The following CPNE8 variants were observed in gnomAD, a reference collection of about 807,000 sequenced individuals.
CPNE8 encodes the protein copine-8.
Under a neutral mutation model 81.5 loss-of-function variants are expected in CPNE8, and 45 were observed. The observed-to-expected ratio is 0.55, with a 90% CI of 0.44 to 0.71. The LOEUF (loss-of-function observed/expected upper bound fraction) is 0.71, where lower values mean the gene tolerates loss of function less well. CPNE8 is among the 30% of genes least tolerant of loss of function. CPNE8 has a pLI of 0.00. For synonymous variants in CPNE8, 252 were observed against 226.3 expected, an observed-to-expected ratio of 1.11 and a Z score of -1.02; for missense variants, 594 against 672.1, an observed-to-expected ratio of 0.88 and a Z score of 1.28.
intron 19 of CPNE8, among the ~76,000 whole-genome samples, chr12:38,670,287 TA>T (rs1414269618): frequency 6.6e-6 from 1 of 152,152 alleles, no homozygotes; most frequent in African/African-American, 2.4e-5. Flanking sequence ...TCTGACATCC[TA>T]AAAATATGGA....
rs1486022302 is a variant in CPNE8 at position 38,770,397 on chromosome 12, C to T, written c.472-2659G>A. On this transcript the variant is annotated intron_variant, in intron 7 of 19. Coordinates refer to ENST00000331366, the MANE Select transcript of CPNE8 (RefSeq NM_153634.3). ...CTTTACTTTGGCTCTGCTGCCACCA[C>T]CTCAGTCCAGTTCAATCTTATTTCT... Among the ~76,000 whole-genome samples the T allele has an allele frequency of 2.0e-5, 3 of 152,196 alleles. No homozygotes were observed. The East Asian group carries it at 5.8e-4, about 29-fold the overall frequency.
chr12:38,686,458 G>T (rs1435547220), intron 15 of CPNE8, among the ~76,000 whole-genome samples: 2 of 152,204 alleles, frequency 1.3e-5, no homozygotes, highest in African/African-American at 4.8e-5. Flanking sequence ...TCATTATTAG[G>T]TTTAATTCTC....
intron 10 of CPNE8, among the ~76,000 whole-genome samples, chr12:38,760,140 A>G (rs988666643): frequency 1.5e-4 from 23 of 152,214 alleles, no homozygotes; most frequent in Middle Eastern, 3.4e-3. Context: ...CTCCTTTGAT[A>G]CCCACATATT....
chr12:38,888,052 C>T (rs1050524081), intron 1 of CPNE8, among the ~76,000 whole-genome samples: 1 of 152,044 alleles, frequency 6.6e-6, no homozygotes, highest in Non-Finnish European at 1.5e-5. Context: ...GAAGCAAGAG[C>T]TGATGACTGT....
At position 38,760,837 on chromosome 12, in the gene CPNE8, A is replaced by G; in HGVS notation, c.722+10T>C. On this transcript the variant is annotated intron_variant, in intron 10 of 19. Coordinates refer to ENST00000331366, the MANE Select transcript of CPNE8 (RefSeq NM_153634.3). ...CCAGTTCAAGAGTAAGAAGATAAGA[A>G]CTGTCTTACCTTCCATCTCGGTCCC... The G allele has an allele frequency of 6.3e-7, 1 of 1,590,748 alleles. No homozygotes were observed. Among genetic ancestry groups the G allele is most frequent in the Non-Finnish European group, 8.6e-7 (1 of 1,166,942 alleles).
chr12:38,788,257 A>G (rs1163365568), intron 6 of CPNE8, among the ~76,000 whole-genome samples: 1 of 151,980 alleles, frequency 6.6e-6, no homozygotes, highest in African/African-American at 2.4e-5. Flanking sequence ...TAAGAAGATT[A>G]TTCATCATGA....
chr12:38,727,560 C>T (rs1393737085), intron 11 of CPNE8, among the ~76,000 whole-genome samples: 1 of 152,096 alleles, frequency 6.6e-6, no homozygotes, highest in African/African-American at 2.4e-5. Flanking sequence ...GGAAAAGCTC[C>T]ATTCATAGGG....
chr12:38,845,209 A>C (rs982299115), intron 4 of CPNE8, among the ~76,000 whole-genome samples: 13 of 152,146 alleles, frequency 8.5e-5, no homozygotes, highest in African/African-American at 3.1e-4. Flanking sequence ...TCTGTAAGAC[A>C]CAACCAGCAT....
At chr12:38,696,857 G>C (rs150255634) in intron 14 of CPNE8, among the ~76,000 whole-genome samples, 5 of 152,038 alleles carry the variant, frequency 3.3e-5, no homozygotes, top group Non-Finnish European at 7.4e-5. Flanking sequence ...ACCAGCCTAG[G>C]CAACATGGCA....
chr12:38,841,910 T>C (rs1269552211), intron 4 of CPNE8, among the ~76,000 whole-genome samples: 1 of 152,180 alleles, frequency 6.6e-6, no homozygotes, highest in Non-Finnish European at 1.5e-5. Context: ...CTTCTTGTTA[T>C]TATTTTTTAA....
At chr12:38,670,691 T>A (rs762604379) in intron 19 of CPNE8, 38 bp downstream of exon 19, 28 of 1,391,620 alleles carry the variant, frequency 2.0e-5, no homozygotes, top group African/African-American at 4.3e-5. Flanking sequence ...AATGATATTT[T>A]CTAGCAATAG....
intron 7 of CPNE8, among the ~76,000 whole-genome samples, chr12:38,775,491 AT>A (rs1165328560): frequency 2.0e-5 from 3 of 152,046 alleles, no homozygotes; most frequent in Non-Finnish European, 4.4e-5. Flanking sequence ...TCTAGGGAAA[AT>A]TTTTTTCCTC....
intron 1 of CPNE8, among the ~76,000 whole-genome samples, chr12:38,900,191 AACT>A (rs1320687451): frequency 3.3e-5 from 5 of 150,630 alleles, no homozygotes; most frequent in Non-Finnish European, 5.9e-5. Flanking sequence ...GGGTTTTACT[AACT>A]CAGATCAAGG....
At chr12:38,718,584 C>T (rs1940469239) in intron 13 of CPNE8, among the ~76,000 whole-genome samples, 1 of 152,124 alleles carries the variant, frequency 6.6e-6, no homozygotes, top group South Asian at 2.1e-4. Flanking sequence ...ACATCCTGCA[C>T]AGATTTGGGG....
intron 8 of CPNE8, among the ~76,000 whole-genome samples, chr12:38,764,616 C>CAAAAAA (rs1247038606): frequency 0.019 from 727 of 38,776 alleles, 1 homozygote; most frequent in Non-Finnish European, 0.025. Flanking sequence ...GACTCCGTCT[C>CAAAAAA]AAAAAAAAAA....
intron 19 of CPNE8, among the ~76,000 whole-genome samples, chr12:38,656,068 A>T (rs1938808989): frequency 6.6e-6 from 1 of 151,552 alleles, no homozygotes; most frequent in Non-Finnish European, 1.5e-5. Context: ...TATGGACAAG[A>T]CTTGACATTT....
chr12:38,715,397 C>T (rs547993043), intron 13 of CPNE8, among the ~76,000 whole-genome samples: 4 of 151,968 alleles, frequency 2.6e-5, no homozygotes, highest in Non-Finnish European at 5.9e-5. Context: ...TGACGTCAAG[C>T]TTTACTTGTC....
At chr12:38,793,312 T>C (rs1942373378) in intron 6 of CPNE8, among the ~76,000 whole-genome samples, 1 of 136,586 alleles carries the variant, frequency 7.3e-6, no homozygotes, top group Non-Finnish European at 1.6e-5. Context: ...ATGCATTATG[T>C]AGAAAATTCT....
chr12:38,906,247 G>A (rs1944570088), upstream of CPNE8: 2 of 985,414 alleles, frequency 2.0e-6, no homozygotes, highest in Non-Finnish European at 1.2e-6. Flanking sequence ...CCACTTGAGA[G>A]TTGGGGACGG....
Sources: gnomAD v4.1 joint callset for allele counts (sites outside exome capture counted in the v4.1 genomes callset) on GRCh38, gnomAD v4.1.1 for gene constraint, MANE v1.5 for transcripts, NCBI Gene and HGNC (gene_info 2026-07-23, HGNC 2026-07-21) for gene names.